Variants in PCSK5 observed in about 807,000 individuals in gnomAD.
The protein encoded by PCSK5 is proprotein convertase subtilisin/kexin type 5, also known as prohormone convertase 5.
PCSK5 carries 129 observed loss-of-function variants against 233.2 expected under a neutral mutation model. The ratio of observed to expected loss-of-function variants is 0.55; its 90% CI spans 0.48 to 0.64. PCSK5 has a LOEUF of 0.64. Among genes scored for constraint, PCSK5 ranks in the 30% least tolerant of loss-of-function variants. The pLI is 0.00. For missense variants in PCSK5, 2,076 were observed against 2,430.1 expected, an observed-to-expected ratio of 0.85 and a Z score of 3.06; for synonymous variants, 825 against 879.2, an observed-to-expected ratio of 0.94 and a Z score of 1.09.
At chr9:76,059,113 C>T (rs1015978641) in intron 5 of PCSK5, among the ~76,000 whole-genome samples, 3 of 152,184 alleles carry the variant, frequency 2.0e-5, no homozygotes, top group African/African-American at 7.2e-5. Context: ...GAGCAAGTTA[C>T]ACAGAATGCA....
chr9:76,339,720 T>C (rs962043264), intron 35 of PCSK5, among the ~76,000 whole-genome samples: 1 of 152,066 alleles, frequency 6.6e-6, no homozygotes, highest in Non-Finnish European at 1.5e-5. Flanking sequence ...AATTTTTGTA[T>C]TTTTAGTAGA....
At chr9:76,311,782 T>C (rs1053789550) in intron 30 of PCSK5, among the ~76,000 whole-genome samples, 1 of 152,206 alleles carries the variant, frequency 6.6e-6, no homozygotes, top group East Asian at 1.9e-4. Context: ...GTCTGGTTTT[T>C]CTGTTTCGCT....
At chr9:76,173,496 CTTTTTTTTTTTTTTTTTTTTTT>C (rs59248860) in intron 13 of PCSK5, among the ~76,000 whole-genome samples, 1,055 of 61,042 alleles carry the variant, frequency 0.017, 60 homozygotes, top group African/African-American at 0.057. Flanking sequence ...GGCACGTTTC[CTTTTTTTTTTTTTTTTTTTTTT>C]TTTTTTTTTT....
chr9:76,291,190 G>A (rs1200431340), intron 24 of PCSK5, among the ~76,000 whole-genome samples: 1 of 152,172 alleles, frequency 6.6e-6, no homozygotes, highest in Non-Finnish European at 1.5e-5. Context: ...ATATCATTTG[G>A]TAGCCTCCCT....
intron 30 of PCSK5, among the ~76,000 whole-genome samples, chr9:76,320,703 A>T (rs1829173176): frequency 6.6e-6 from 1 of 151,492 alleles, no homozygotes; most frequent in African/African-American, 2.4e-5. Flanking sequence ...CAAACTCCTG[A>T]TCTCAGGTGA....
chr9:76,333,972 G>A (rs564169864), intron 34 of PCSK5, among the ~76,000 whole-genome samples: 1 of 152,260 alleles, frequency 6.6e-6, no homozygotes, highest in East Asian at 1.9e-4. Context: ...CAAAGACTGG[G>A]CAATTTACAA....
Position 76,071,712 on chromosome 9 carries a change from T to C in PCSK5, c.722-14T>C. On this transcript the variant is annotated splice_polypyrimidine_tract_variant and intron_variant, in intron 6 of 37. Transcript: ENST00000674117. ...AAGCCCTGTAATGAGCTAGTTCTCC[T>C]TTCTGTGTTGAAGGAGTGCGAATGC... 1 of 1,606,148 alleles carries C rather than the reference T, an allele frequency of 6.2e-7. No individual in the cohort carries two copies. The highest frequency in any genetic ancestry group is 1.3e-5 in the African/African-American group (1 of 74,668).
At chr9:75,941,439 G>A (rs1307351481) in intron 2 of PCSK5, among the ~76,000 whole-genome samples, 9 of 152,042 alleles carry the variant, frequency 5.9e-5, no homozygotes, top group Admixed American at 5.2e-4. Context: ...TTACTGGTAA[G>A]TAAAAATGGT....
At chr9:75,913,348 A>G (rs999790132) in intron 1 of PCSK5, among the ~76,000 whole-genome samples, 1 of 152,240 alleles carries the variant, frequency 6.6e-6, no homozygotes, top group African/African-American at 2.4e-5. Flanking sequence ...GCTTAATTAC[A>G]GTCATTTGCA....
chr9:75,923,719 C>A (rs1823354397), intron 1 of PCSK5, among the ~76,000 whole-genome samples: 2 of 152,120 alleles, frequency 1.3e-5, no homozygotes, highest in Non-Finnish European at 2.9e-5. Context: ...TATTAACTTG[C>A]AATTCTAGAG....
Position 76,107,298 on chromosome 9 carries a change from G to A in PCSK5, c.1155G>A (p.Thr385=), listed in dbSNP as rs7861246. 4.8e-4 allele frequency: 778 copies of A among 1,613,868 alleles called. 3 individuals carry two copies. In the African/African-American group the frequency reaches 8.0e-3, roughly 17 times the overall value. ...RQRCTDNHTG[T]SASAPMAAGI... The stretch of plus-strand genomic sequence containing the variant: ...GTTGCACGGACAACCACACTGGGAC[G>A]TCAGCCTCAGCCCCCATGGCTGCAG... The change falls in exon 9 of 38, where the codon ACG becomes ACA. Residue 385 remains threonine, a synonymous_variant. Transcript: ENST00000674117.
At position 76,051,160 on chromosome 9, in the gene PCSK5, A is replaced by G. The variant is rs139268774; in HGVS notation, c.633-16795A>G. Reference sequence around the variant, plus strand: ...CCCAGTTCATGGTAATTTACCAACCAGGGTTCATTTTTACTGTAAGCAGCA... The same window carrying G: ...CCCAGTTCATGGTAATTTACCAACCGGGGTTCATTTTTACTGTAAGCAGCA... On this transcript the variant is annotated intron_variant, in intron 5 of 37. Coordinates refer to ENST00000674117, the MANE Select transcript of PCSK5 (RefSeq NM_001372043.1). Among the ~76,000 whole-genome samples the G allele has an allele frequency of 4.0e-3, 604 of 152,344 alleles. 4 individuals carry two copies. The highest frequency in any genetic ancestry group is 0.013 in the African/African-American group (561 of 41,592).
At chr9:76,295,502 C>A in intron 26 of PCSK5, 91 bp downstream of exon 26, 1 of 1,224,560 alleles carries the variant, frequency 8.2e-7, no homozygotes, top group Non-Finnish European at 1.2e-6. Flanking sequence ...TGATTGGTTT[C>A]AGAGTCTGTG....
At position 75,908,933 on chromosome 9, in the gene PCSK5, CTCTCTCTGTCTATCTA is replaced by C. The variant is rs1194565389; in HGVS notation, c.192+17564_192+17579del. On this transcript the variant is annotated intron_variant, in intron 1 of 37. Coordinates refer to ENST00000674117, the MANE Select transcript of PCSK5 (RefSeq NM_001372043.1). ...TATCTATCTATCTATCTCTCTATCT[CTCTCTCTGTCTATCTA>C]TCTATCTATCTATCTATCTATCTAT... is the stretch of plus-strand genomic sequence containing the variant. Among the ~76,000 whole-genome samples the C allele has an allele frequency of 3.7e-3, 352 of 94,640 alleles. 1 individual carries two copies. Among genetic ancestry groups the C allele is most frequent in the Non-Finnish European group, 3.9e-3 (165 of 41,850 alleles). The allele number at this position is 94,640 out of a possible 152,430, so 62.1% of individuals were successfully genotyped here. A position where few individuals can be genotyped will look rare whatever the true frequency, so the allele number is the denominator to read the frequency against.
chr9:75,985,748 G>A (rs1325675284), intron 2 of PCSK5, among the ~76,000 whole-genome samples: 1 of 152,046 alleles, frequency 6.6e-6, no homozygotes, highest in Non-Finnish European at 1.5e-5. Flanking sequence ...CCTAAAATAC[G>A]TATTATTTGG....
At chr9:76,000,268 C>T (rs578221956) in intron 3 of PCSK5, among the ~76,000 whole-genome samples, 1 of 152,148 alleles carries the variant, frequency 6.6e-6, no homozygotes, top group South Asian at 2.1e-4. Context: ...AAGTTCTATC[C>T]CTGATATTAT....
intron 24 of PCSK5, among the ~76,000 whole-genome samples, chr9:76,268,238 G>A (rs1564145728): frequency 1.3e-5 from 2 of 152,228 alleles, no homozygotes; most frequent in Admixed American, 1.3e-4. Context: ...TTTTGGAGCA[G>A]AATGATCTGA....
intron 35 of PCSK5, among the ~76,000 whole-genome samples, chr9:76,339,910 G>T (rs973430939): frequency 2.0e-5 from 3 of 152,112 alleles, no homozygotes; most frequent in African/African-American, 7.2e-5. Context: ...TATGTCTTAA[G>T]GACTTGTCTT....
intron 7 of PCSK5, among the ~76,000 whole-genome samples, chr9:76,090,715 G>GT (rs1294268137): frequency 1.3e-5 from 2 of 152,258 alleles, no homozygotes; most frequent in Non-Finnish European, 2.9e-5. Flanking sequence ...ATGGAAGTCA[G>GT]TTTTTTCACA....
Sources: allele counts gnomAD v4.1 joint callset (sites outside exome capture counted in the v4.1 genomes callset), GRCh38; gene constraint gnomAD v4.1.1; transcripts MANE v1.5; gene names NCBI Gene and HGNC (gene_info 2026-07-23, HGNC 2026-07-21).